Variants in EIF1B observed in about 807,000 individuals in gnomAD.
EIF1B encodes the protein protein translation factor SUI1 homolog GC20.
EIF1B carries 5 observed loss-of-function variants against 14.8 expected under a neutral mutation model. The ratio of observed to expected loss-of-function variants is 0.34; its 90% CI spans 0.18 to 0.71. The LOEUF (loss-of-function observed/expected upper bound fraction) is 0.71, where lower values mean the gene tolerates loss of function less well. Ranked by LOEUF, EIF1B falls within the 30% of genes least tolerant of loss-of-function variation. The pLI is 0.64. For missense variants in EIF1B, 56 were observed against 134.0 expected, an observed-to-expected ratio of 0.42 and a Z score of 2.87; for synonymous variants, 45 against 45.8, an observed-to-expected ratio of 0.98 and a Z score of 0.07.
At position 40,312,375 on chromosome 3, in the gene EIF1B, A is replaced by T. The variant is rs1954335911; in HGVS notation, c.*361A>T. The stretch of plus-strand genomic sequence containing the variant: ...AAAAATCTATGAATCTTTGTGAGCA[A>T]TTATGCTCCCAAATCTAAGCAAGTA... On this transcript the variant is annotated 3_prime_UTR_variant, in exon 4 of 4. Coordinates refer to ENST00000232905, the MANE Select transcript of EIF1B (RefSeq NM_005875.3). The T allele has an allele frequency of 5.1e-6, 1 of 194,984 alleles. No homozygotes were observed. Among genetic ancestry groups the T allele is most frequent in the Admixed American group, 6.0e-5 (1 of 16,610 alleles). The allele number at this position is 194,984 out of a possible 1,614,324, so 12.1% of individuals were successfully genotyped here. A position where few individuals can be genotyped will look rare whatever the true frequency, so the allele number is the denominator to read the frequency against.
At chr3:40,311,217 G>A in intron 2 of EIF1B, 161 bp downstream of exon 2, 1 of 695,266 alleles carries the variant, frequency 1.4e-6, no homozygotes, top group Non-Finnish European at 2.3e-6. Context: ...CTCCCAGTGT[G>A]GTCTCTCATT....
intron 1 of EIF1B, 78 bp downstream of exon 1, chr3:40,310,050 A>G (rs1954305033): frequency 1.3e-6 from 2 of 1,582,316 alleles, no homozygotes; most frequent in Admixed American, 1.7e-5. Context: ...CACCGCCCCT[A>G]GGGGCCCCCT....
Position 40,309,743 on chromosome 3 carries a change from G to T in EIF1B, c.-199G>T. The T allele has an allele frequency of 1.7e-6, 1 of 598,786 alleles. No homozygotes were observed. The highest frequency in any genetic ancestry group is 2.9e-6 in the Non-Finnish European group (1 of 342,474). The allele number at this position is 598,786 out of a possible 1,614,324, so 37.1% of individuals were successfully genotyped here. On this transcript the variant is annotated 5_prime_UTR_variant, in exon 1 of 4. Transcript: ENST00000232905. Reference sequence around the variant, plus strand: ...GCGCCGCCTCTTCTCTCGCGCCCTCGCCTCTTCCTCCGCCTCCTCCTTCGC... The same window carrying T: ...GCGCCGCCTCTTCTCTCGCGCCCTCTCCTCTTCCTCCGCCTCCTCCTTCGC...
In EIF1B at chr3:40,312,278, T is replaced by G; in HGVS notation, c.*264T>G. On this transcript the variant is annotated 3_prime_UTR_variant, in exon 4 of 4. Coordinates refer to ENST00000232905, the MANE Select transcript of EIF1B (RefSeq NM_005875.3). ...ATGTTTTGAGTGTTTATTGTTCAGTTTATTACGTTTCACTTGATTAAATTT... is the reference window on the plus strand; with the variant it reads ...ATGTTTTGAGTGTTTATTGTTCAGTGTATTACGTTTCACTTGATTAAATTT... The G allele has an allele frequency of 2.9e-6, 1 of 344,820 alleles. No individual in the cohort carries two copies. Among genetic ancestry groups the G allele is most frequent in the Non-Finnish European group, 5.0e-6 (1 of 201,798 alleles). The allele number at this position is 344,820 out of a possible 1,614,324, so 21.4% of individuals were successfully genotyped here.
In EIF1B at chr3:40,310,984, A is replaced by G; in HGVS notation, c.123A>G (p.Arg41=). The change falls in exon 2 of 4, where the codon AGA becomes AGG. Residue 41 remains arginine, a synonymous_variant. Transcript: ENST00000232905. ...IHIRIQQRNG[R]KTLTTVQGIA... ...TAAGAATCCAGCAACGGAACGGCAG[A>G]AAGACACTGACTACTGTTCAGGGCA... 1 of 1,614,178 alleles carries G rather than the reference A, an allele frequency of 6.2e-7. No homozygotes were observed. Among genetic ancestry groups the G allele is most frequent in the Non-Finnish European group, 8.5e-7 (1 of 1,180,038 alleles).
intron 1 of EIF1B, 143 bp downstream of exon 1, chr3:40,310,115 G>T: frequency 8.4e-7 from 1 of 1,191,618 alleles, no homozygotes; most frequent in Non-Finnish European, 1.2e-6. Flanking sequence ...AGAAAATGGC[G>T]ACGGGGCCCC....
In EIF1B at chr3:40,309,905, G is replaced by C; in HGVS notation, c.-37G>C. On this transcript the variant is annotated 5_prime_UTR_variant, in exon 1 of 4. Transcript: ENST00000232905. ...AAGGTGATCCGGGCGGGCCCCGCAG[G>C]AATTTTATCCCCTCACCGGCCTCAC... The C allele has an allele frequency of 6.2e-7, 1 of 1,612,912 alleles. No homozygotes were observed. Among genetic ancestry groups the C allele is most frequent in the Non-Finnish European group, 8.5e-7 (1 of 1,179,178 alleles).
intron 3 of EIF1B, 154 bp from the exon 4 acceptor site, chr3:40,311,816 G>T: frequency 1.4e-6 from 1 of 702,196 alleles, no homozygotes; most frequent in Non-Finnish European, 2.5e-6. Flanking sequence ...ATTCAAATAC[G>T]TGTTGAATTG....
At chr3:40,310,182 G>C (rs1021221383) in intron 1 of EIF1B, among the ~76,000 whole-genome samples, 1 of 152,166 alleles carries the variant, frequency 6.6e-6, no homozygotes, top group Non-Finnish European at 1.5e-5. Context: ...TCGGAGCCCC[G>C]GCCGCGGGCC....
rs11374095 is a variant in EIF1B, at chr3:40,312,300, AT to A, written c.*293del. The A allele has an allele frequency of 1.1e-3, 289 of 267,082 alleles. 2 individuals carry two copies. Among genetic ancestry groups the A allele is most frequent in the African/African-American group, 6.1e-3 (271 of 44,734 alleles). The allele number at this position is 267,082 out of a possible 1,614,324, so 16.5% of individuals were successfully genotyped here. A position where few individuals can be genotyped will look rare whatever the true frequency, so the allele number is the denominator to read the frequency against. On this transcript the variant is annotated 3_prime_UTR_variant, in exon 4 of 4. Coordinates refer to ENST00000232905, the MANE Select transcript of EIF1B (RefSeq NM_005875.3). The stretch of plus-strand genomic sequence containing the variant: ...AGTTTATTACGTTTCACTTGATTAA[AT>A]TTTTTTGTTGTTGTATTAAACCATG...
chr3:40,309,734 C>T lies in EIF1B; in HGVS notation c.-208C>T. On this transcript the variant is annotated 5_prime_UTR_variant, in exon 1 of 4. Transcript: ENST00000232905. ...GAAGCCGCAGCGCCGCCTCTTCTCT[C>T]GCGCCCTCGCCTCTTCCTCCGCCTC... is the stretch of plus-strand genomic sequence containing the variant. 8 of 586,352 alleles carry T rather than the reference C, an allele frequency of 1.4e-5. No homozygotes were observed. The highest frequency in any genetic ancestry group is 6.1e-5 in the Admixed American group (2 of 32,706). 36.3% of individuals were successfully genotyped at this position (586,352 alleles called of 1,614,324 possible).
chr3:40,310,716 C>G, intron 1 of EIF1B, 177 bp from the exon 2 acceptor site: 1 of 557,034 alleles, frequency 1.8e-6, no homozygotes, highest in African/African-American at 1.9e-5. Flanking sequence ...GTGAGAGTAT[C>G]TTGGGGGTTT....
chr3:40,310,338 C>T (rs1307990971), intron 1 of EIF1B, among the ~76,000 whole-genome samples: 1 of 152,244 alleles, frequency 6.6e-6, no homozygotes, highest in East Asian at 1.9e-4. Flanking sequence ...GGGATCGGCG[C>T]CCGTTCTCTG....
In EIF1B at chr3:40,311,089, C is replaced by T. The variant is rs747879100; in HGVS notation, c.195+33C>T. On this transcript the variant is annotated intron_variant, in intron 2 of 3. Transcript: ENST00000232905. ...GATTAGGAAGAAAGGATTAGAGTTA[C>T]TGATGCACACCTCTGAACTGGATTA... The T allele has an allele frequency of 2.2e-5, 35 of 1,599,582 alleles. No individual in the cohort carries two copies. In the South Asian group the frequency reaches 3.6e-4, roughly 16 times the overall value.
chr3:40,311,185 AAC>A, intron 2 of EIF1B, 129 bp downstream of exon 2: 1 of 879,858 alleles, frequency 1.1e-6, no homozygotes. Context: ...TTTTGTAATT[AAC>A]ATGTAAATAT....
chr3:40,309,932 C>A lies in EIF1B; in HGVS notation c.-10C>A, dbSNP rs1954303419. ...ATTTTATCCCCTCACCGGCCTCACA[C>A]TAGTATCGCATGTCCACTATCCAGA... On this transcript the variant is annotated 5_prime_UTR_variant, in exon 1 of 4. Coordinates refer to ENST00000232905, the MANE Select transcript of EIF1B (RefSeq NM_005875.3). 1 of 1,614,060 alleles carries A rather than the reference C, an allele frequency of 6.2e-7. No individual in the cohort carries two copies. Among genetic ancestry groups the A allele is most frequent in the Non-Finnish European group, 8.5e-7 (1 of 1,179,970 alleles).
rs1008925663 is a variant in EIF1B, at chr3:40,309,742, C to T, written c.-200C>T. ...AGCGCCGCCTCTTCTCTCGCGCCCT[C>T]GCCTCTTCCTCCGCCTCCTCCTTCG... On this transcript the variant is annotated 5_prime_UTR_variant, in exon 1 of 4. Coordinates refer to ENST00000232905, the MANE Select transcript of EIF1B (RefSeq NM_005875.3). The T allele has an allele frequency of 2.8e-5, 17 of 605,290 alleles. No homozygotes were observed. The highest frequency in any genetic ancestry group is 4.3e-5 in the Non-Finnish European group (15 of 346,142). 37.5% of individuals were successfully genotyped at this position (605,290 alleles called of 1,614,324 possible). A position where few individuals can be genotyped will look rare whatever the true frequency, so the allele number is the denominator to read the frequency against.
chr3:40,311,568 G>T lies in EIF1B; in HGVS notation c.294G>T (p.Leu98Phe). The change falls in exon 3 of 4, where the codon TTG (leucine) becomes TTT (phenylalanine). Residue 98 changes from leucine to phenylalanine, a missense_variant. Physicochemically the swap from Leu to Phe is conservative, Grantham distance 22. Coordinates refer to ENST00000232905, the MANE Select transcript of EIF1B (RefSeq NM_005875.3). ...DQRKNICQFL[L>F]EVGIVKEEQL... ...GAAAAAACATCTGCCAGTTTCTCTT[G>T]GAGGTGAGTGATTGGGTGCTTTATG... 6.2e-7 allele frequency: 1 copy of T among 1,611,858 alleles called. No individual in the cohort carries two copies. Among genetic ancestry groups the T allele is most frequent in the Non-Finnish European group, 8.5e-7 (1 of 1,178,364 alleles).
rs1258176782 is a variant in EIF1B at position 40,310,878 on chromosome 3, T to C, written c.32-15T>C. The C allele has an allele frequency of 1.3e-6, 2 of 1,555,984 alleles. No homozygotes were observed. The highest frequency in any genetic ancestry group is 8.6e-7 in the Non-Finnish European group (1 of 1,156,176). On this transcript the variant is annotated splice_polypyrimidine_tract_variant and intron_variant, in intron 1 of 3. Transcript: ENST00000232905. The stretch of plus-strand genomic sequence containing the variant: ...TTCTACTTTGGATTTTTTTTTTTTT[T>C]TTATCCATTCGCAGACCCCTTTGCT...
Sources: gnomAD v4.1 joint callset for allele counts (sites outside exome capture counted in the v4.1 genomes callset) on GRCh38, gnomAD v4.1.1 for gene constraint, MANE v1.5 for transcripts, NCBI Gene and HGNC (gene_info 2026-07-23, HGNC 2026-07-21) for gene names.